The following XKR6 variants were observed in gnomAD, a reference collection of about 807,000 sequenced individuals.
The protein encoded by XKR6 is XK related 6, also known as XK-related protein 6.
In XKR6, 22 loss-of-function variants were observed where a neutral mutation model predicts 56.7. The observed-to-expected ratio is 0.39, with a 90% CI of 0.28 to 0.55. XKR6 has a LOEUF of 0.55. Among genes scored for constraint, XKR6 ranks in the 20% least tolerant of loss-of-function variants. The pLI is 0.66. For synonymous variants in XKR6, 524 were observed against 387.8 expected (o/e 1.35, Z -4.13); for missense variants, 852 against 889.0 (o/e 0.96, Z 0.53).
At chr8:11,040,991 C>A (rs576786943) in intron 1 of XKR6, among the ~76,000 whole-genome samples, 47 of 152,190 alleles carry the variant, frequency 3.1e-4, no homozygotes, top group African/African-American at 1.1e-3. Context: ...ACCATCTCCT[C>A]CGTGCTAGGT....
At chr8:10,909,020 G>A (rs1020451451) in intron 2 of XKR6, among the ~76,000 whole-genome samples, 1 of 152,180 alleles carries the variant, frequency 6.6e-6, no homozygotes, top group African/African-American at 2.4e-5. Context: ...CAAAAATTTA[G>A]CCGGGTGTGG....
At position 11,143,151 on chromosome 8, in the gene XKR6, T is replaced by C. The variant is rs149614087; in HGVS notation, c.764+57425A>G. On this transcript the variant is annotated intron_variant, in intron 1 of 2. Transcript: ENST00000416569. ...TTACAATCCTTAATAAATTAATAAA[T>C]CTAGGCACTGAGCATCAATAGCTAA... 4.4e-3 allele frequency among the ~76,000 whole-genome samples: 672 copies of C among 152,110 alleles called. 4 individuals carry two copies. Among genetic ancestry groups the C allele is most frequent in the African/African-American group, 0.015 (637 of 41,498 alleles).
At chr8:11,115,158 T>G (rs2129181248) in intron 1 of XKR6, among the ~76,000 whole-genome samples, 1 of 152,316 alleles carries the variant, frequency 6.6e-6, no homozygotes, top group South Asian at 2.1e-4. Context: ...AAATCCTGAA[T>G]CCCTGAATCT....
chr8:10,971,514 G>C (rs887188481), intron 1 of XKR6, among the ~76,000 whole-genome samples: 2 of 151,868 alleles, frequency 1.3e-5, no homozygotes, highest in Non-Finnish European at 2.9e-5. Context: ...AGTTGAGTAG[G>C]GATCAATATT....
intron 1 of XKR6, among the ~76,000 whole-genome samples, chr8:11,044,334 C>A (rs1004289073): frequency 2.0e-5 from 3 of 152,232 alleles, no homozygotes; most frequent in Non-Finnish European, 4.4e-5. Flanking sequence ...ATATTCATAG[C>A]TCCTCCCAGA....
At chr8:11,119,534 T>A (rs1799344990) in intron 1 of XKR6, among the ~76,000 whole-genome samples, 1 of 152,236 alleles carries the variant, frequency 6.6e-6, no homozygotes, top group African/African-American at 2.4e-5. Context: ...TAGCTCTTCT[T>A]GTTGAATTGA....
At chr8:11,100,372 T>A (rs905691422) in intron 1 of XKR6, among the ~76,000 whole-genome samples, 1 of 152,192 alleles carries the variant, frequency 6.6e-6, no homozygotes, top group South Asian at 2.1e-4. Context: ...TAAAAAAGAA[T>A]AGAATTTATG....
chr8:10,990,981 C>T (rs999367991), intron 1 of XKR6, among the ~76,000 whole-genome samples: 22 of 149,142 alleles, frequency 1.5e-4, no homozygotes, highest in African/African-American at 5.5e-4. Flanking sequence ...CAGCTCACTG[C>T]CACCTCCACC....
At chr8:11,112,388 C>A (rs1251554702) in intron 1 of XKR6, among the ~76,000 whole-genome samples, 1 of 151,974 alleles carries the variant, frequency 6.6e-6, no homozygotes, top group South Asian at 2.1e-4. Flanking sequence ...GTTGTTCTAA[C>A]CACAAAGAGG....
At chr8:11,019,109 CT>C (rs1318624205) in intron 1 of XKR6, among the ~76,000 whole-genome samples, 1 of 152,180 alleles carries the variant, frequency 6.6e-6, no homozygotes, top group Non-Finnish European at 1.5e-5. Context: ...CCATGCATCA[CT>C]GAGATCTAAG....
intron 1 of XKR6, among the ~76,000 whole-genome samples, chr8:10,932,948 G>A (rs559103958): frequency 1.3e-5 from 2 of 148,810 alleles, no homozygotes; most frequent in Non-Finnish European, 3.0e-5. Context: ...CCCAGTAATG[G>A]GATGCCTGGG....
chr8:10,946,908 A>G (rs1273857464), intron 1 of XKR6, among the ~76,000 whole-genome samples: 5 of 152,130 alleles, frequency 3.3e-5, no homozygotes. Context: ...CAAGCAGCTA[A>G]GGGAAAGAGG....
At chr8:11,086,150 T>TA (rs1439777662) in intron 1 of XKR6, among the ~76,000 whole-genome samples, 97 of 112,726 alleles carry the variant, frequency 8.6e-4, no homozygotes, top group East Asian at 5.9e-3. Context: ...ATATATATAT[T>TA]TTTTTTTAAA....
At chr8:11,125,104 GA>G (rs1471380687) in intron 1 of XKR6, among the ~76,000 whole-genome samples, 7,428 of 144,060 alleles carry the variant, frequency 0.052, 193 homozygotes, top group South Asian at 0.077. Flanking sequence ...AAAAAAAAAA[GA>G]AAAAGAAAAG....
chr8:11,201,239 G>A lies in XKR6; in HGVS notation c.101C>T (p.Pro34Leu), dbSNP rs767756713. ...VGSGGEEDGE[P>L]GGGGCGGGGD... ...GCCGCCGCCGCAGCCGCCTCCCCCG[G>A]GCTCCCCGTCCTCCTCGCCGCCGCT... Residue 34 changes from proline (P) to leucine (L), a missense_variant, in exon 1 of 3, where the codon CCC becomes CTC. Pro to Leu is a moderately conservative substitution (Grantham distance 98). Coordinates refer to ENST00000416569, the MANE Select transcript of XKR6 (RefSeq NM_173683.4). The A allele has an allele frequency of 2.7e-5, 42 of 1,558,840 alleles. No homozygotes were observed. Among genetic ancestry groups the A allele is most frequent in the Middle Eastern group, 3.8e-4 (2 of 5,296 alleles).
At chr8:10,961,599 T>C (rs557854661) in intron 1 of XKR6, among the ~76,000 whole-genome samples, 72 of 152,334 alleles carry the variant, frequency 4.7e-4, no homozygotes, top group African/African-American at 1.7e-3. Flanking sequence ...ACCTCCTTCA[T>C]GTGGTCCCAC....
chr8:10,943,062 T>G (rs1268369766), intron 1 of XKR6, among the ~76,000 whole-genome samples: 1 of 152,202 alleles, frequency 6.6e-6, no homozygotes, highest in Non-Finnish European at 1.5e-5. Context: ...GTAGGCACCG[T>G]ACCCATCTGG....
At chr8:10,985,660 A>G (rs183458725) in intron 1 of XKR6, among the ~76,000 whole-genome samples, 66 of 152,264 alleles carry the variant, frequency 4.3e-4, no homozygotes, top group African/African-American at 1.3e-3. Flanking sequence ...AAACAAACAA[A>G]AAAACCTCTC....
intron 1 of XKR6, among the ~76,000 whole-genome samples, chr8:11,002,709 G>A (rs779123161): frequency 1.1e-4 from 16 of 152,324 alleles, no homozygotes; most frequent in African/African-American, 3.4e-4. Context: ...CGAGTTCAAC[G>A]GCCCCAAGCA....
Sources: allele counts gnomAD v4.1 joint callset (sites outside exome capture counted in the v4.1 genomes callset), GRCh38; gene constraint gnomAD v4.1.1; transcripts MANE v1.5; gene names NCBI Gene and HGNC (gene_info 2026-07-23, HGNC 2026-07-21).